KAZN: variants seen among roughly 807,000 people sequenced by gnomAD.
KAZN encodes kazrin.
Under a neutral mutation model 87.4 loss-of-function variants are expected in KAZN, and 40 were observed. The observed-to-expected ratio is 0.46, with a 90% CI of 0.36 to 0.60. The LOEUF (loss-of-function observed/expected upper bound fraction) is 0.60, where lower values mean the gene tolerates loss of function less well. Among genes scored for constraint, KAZN ranks in the 20% least tolerant of loss-of-function variants. The pLI is 0.00. For synonymous variants in KAZN, 466 were observed against 458.3 expected (o/e 1.02, Z -0.22); for missense variants, 898 against 1,073.9 (o/e 0.84, Z 2.29).
rs536602916 is a variant in KAZN at position 14,371,895 on chromosome 1, C to T, written c.249+191303C>T. Among the ~76,000 whole-genome samples, 11 of 152,298 alleles carry T rather than the reference C, an allele frequency of 7.2e-5. No homozygotes were observed. In the South Asian group the frequency reaches 1.5e-3, roughly 20 times the overall value. On this transcript the variant is annotated intron_variant, in intron 2 of 16. Transcript: ENST00000636203. ...TCACAATGGCGGTGAGCCTGAAATG[C>T]GCACATAAATTAATGCTTTTGTAAA...
intron 1 of KAZN, among the ~76,000 whole-genome samples, chr1:14,808,131 G>GTGAGC (rs1646281459): frequency 6.6e-6 from 1 of 152,116 alleles, no homozygotes; most frequent in Non-Finnish European, 1.5e-5. Context: ...CTGAGATACT[G>GTGAGC]TGAGCCTGTG....
chr1:13,920,856 T>C (rs770934757), intron 1 of KAZN, among the ~76,000 whole-genome samples: 8 of 152,182 alleles, frequency 5.3e-5, no homozygotes, highest in Non-Finnish European at 7.3e-5. Context: ...GCTGATGTTT[T>C]TGGGCTGGAT....
chr1:14,500,375 CTTGTT>C (rs1324779970), intron 2 of KAZN, among the ~76,000 whole-genome samples: 7 of 152,138 alleles, frequency 4.6e-5, no homozygotes, highest in Non-Finnish European at 7.3e-5. Flanking sequence ...CTAAACTTTA[CTTGTT>C]TTATTTCTCT....
At chr1:14,366,281 T>C (rs1571409475) in intron 2 of KAZN, among the ~76,000 whole-genome samples, 1 of 152,228 alleles carries the variant, frequency 6.6e-6, no homozygotes, top group South Asian at 2.1e-4. Flanking sequence ...AAATGAAAAC[T>C]GAAATGTCGT....
At chr1:13,945,508 T>A (rs1320584464) in intron 1 of KAZN, among the ~76,000 whole-genome samples, 1 of 147,494 alleles carries the variant, frequency 6.8e-6, no homozygotes, top group Non-Finnish European at 1.5e-5. Context: ...TGATCAGGAA[T>A]GTGAGACTCC....
intron 1 of KAZN, among the ~76,000 whole-genome samples, chr1:14,630,636 A>G (rs1293746855): frequency 6.6e-6 from 1 of 152,238 alleles, no homozygotes; most frequent in Non-Finnish European, 1.5e-5. Flanking sequence ...TTTGTAAGCC[A>G]TAAAATGCTG....
chr1:14,052,657 C>A (rs1051188217), intron 1 of KAZN, among the ~76,000 whole-genome samples: 1 of 152,064 alleles, frequency 6.6e-6, no homozygotes, highest in African/African-American at 2.4e-5. Context: ...TGTAGGGGGG[C>A]AGAGGCCCAT....
intron 2 of KAZN, among the ~76,000 whole-genome samples, chr1:15,029,478 G>T (rs891897444): frequency 5.3e-5 from 8 of 152,208 alleles, no homozygotes; most frequent in Non-Finnish European, 1.2e-4. Flanking sequence ...CATGGAGGCA[G>T]CCCACACGTT....
At chr1:13,922,483 A>G (rs1275898634) in intron 1 of KAZN, among the ~76,000 whole-genome samples, 1 of 152,160 alleles carries the variant, frequency 6.6e-6, no homozygotes, top group East Asian at 1.9e-4. Flanking sequence ...GGATGGCTAC[A>G]CTTTGCATCT....
At chr1:14,429,904 G>C (rs1427284525) in intron 2 of KAZN, among the ~76,000 whole-genome samples, 2 of 152,064 alleles carry the variant, frequency 1.3e-5, no homozygotes, top group Admixed American at 6.5e-5. Flanking sequence ...ATTTCACTTA[G>C]AGTAAAAGCC....
chr1:15,047,036 C>G (rs1000434059), intron 4 of KAZN, among the ~76,000 whole-genome samples: 10 of 152,242 alleles, frequency 6.6e-5, no homozygotes, highest in African/African-American at 2.4e-4. Flanking sequence ...TGTTTCCGCT[C>G]TGGCCAAGAA....
In KAZN at chr1:14,913,026, C is replaced by T. The variant is rs368374587; in HGVS notation, c.227-47658C>T. Among the ~76,000 whole-genome samples the T allele has an allele frequency of 7.9e-5, 12 of 152,220 alleles. No individual in the cohort carries two copies. The East Asian group carries it at 1.9e-3, about 25-fold the overall frequency. On this transcript the variant is annotated intron_variant, in intron 1 of 14. Coordinates refer to ENST00000376030, the MANE Select transcript of KAZN (RefSeq NM_201628.3). ...AAGACCTGAGACACTTGGCAAGATG[C>T]GGAGGGGCTGGAGTGATGGAAGGAG... is the stretch of plus-strand genomic sequence containing the variant.
chr1:14,753,593 AT>A (rs1232136930), intron 1 of KAZN, among the ~76,000 whole-genome samples: 2 of 151,988 alleles, frequency 1.3e-5, no homozygotes, highest in South Asian at 2.1e-4. Flanking sequence ...TTAAAAAAAA[AT>A]AAAATAAAAT....
chr1:14,642,638 A>G (rs1680494045), intron 1 of KAZN, among the ~76,000 whole-genome samples: 2 of 152,214 alleles, frequency 1.3e-5, no homozygotes, highest in African/African-American at 4.8e-5. Flanking sequence ...CTGTAGGATA[A>G]CTATAGTTTA....
chr1:14,160,557 C>T (rs1300719618), intron 1 of KAZN, among the ~76,000 whole-genome samples: 1 of 152,168 alleles, frequency 6.6e-6, no homozygotes. Flanking sequence ...AAGCCAGCTA[C>T]TCTGAGTGCT....
chr1:14,676,951 A>G (rs967839604), intron 1 of KAZN, among the ~76,000 whole-genome samples: 1 of 152,234 alleles, frequency 6.6e-6, no homozygotes, highest in Non-Finnish European at 1.5e-5. Flanking sequence ...ATTTTAGGGT[A>G]TAAGTATTAT....
intron 2 of KAZN, among the ~76,000 whole-genome samples, chr1:14,241,273 C>G (rs949361016): frequency 1.3e-5 from 2 of 152,226 alleles, no homozygotes; most frequent in East Asian, 3.8e-4. Context: ...ACCCAGGACT[C>G]TGGATCTTCC....
intron 2 of KAZN, among the ~76,000 whole-genome samples, chr1:14,460,539 C>T (rs1245928938): frequency 6.6e-6 from 1 of 152,214 alleles, no homozygotes; most frequent in African/African-American, 2.4e-5. Context: ...CCAGGCATGT[C>T]TGTGAACCTG....
At chr1:14,340,705 G>A (rs747433132) in intron 2 of KAZN, among the ~76,000 whole-genome samples, 5 of 152,088 alleles carry the variant, frequency 3.3e-5, no homozygotes, top group African/African-American at 7.2e-5. Flanking sequence ...TGGAAGTCCC[G>A]TGGAAGGAGC....
Sources: allele counts gnomAD v4.1 joint callset (sites outside exome capture counted in the v4.1 genomes callset), GRCh38; gene constraint gnomAD v4.1.1; transcripts MANE v1.5; gene names NCBI Gene and HGNC (gene_info 2026-07-23, HGNC 2026-07-21).